The following GPC5 variants were observed in gnomAD, a reference collection of about 807,000 sequenced individuals.
The protein encoded by GPC5 is glypican 5, also known as glypican-5.
In GPC5, 47 loss-of-function variants were observed where a neutral mutation model predicts 53.9. The observed-to-expected ratio is 0.87, with a 90% CI of 0.69 to 1.11. The LOEUF (loss-of-function observed/expected upper bound fraction) is 1.11, where lower values mean the gene tolerates loss of function less well. Ranked by LOEUF, GPC5 falls within the 50% of genes most tolerant of loss-of-function variation. The pLI, the probability that GPC5 is intolerant of heterozygous loss-of-function variation, is 0.00. For synonymous variants in GPC5, 286 were observed against 263.3 expected (o/e 1.09, Z -0.84); for missense variants, 748 against 713.1 (o/e 1.05, Z -0.56).
At chr13:92,409,632 G>T (rs1875955476) in intron 7 of GPC5, among the ~76,000 whole-genome samples, 1 of 152,032 alleles carries the variant, frequency 6.6e-6, no homozygotes, top group Admixed American at 6.6e-5. Context: ...ACTATTTTCA[G>T]ACTTCACATG....
chr13:92,254,927 G>A (rs1218492437), intron 7 of GPC5, among the ~76,000 whole-genome samples: 2 of 152,060 alleles, frequency 1.3e-5, no homozygotes, highest in Non-Finnish European at 2.9e-5. Context: ...TGGGGACACA[G>A]AGCCAGACAA....
At chr13:92,219,509 C>T (rs540399701) in intron 7 of GPC5, among the ~76,000 whole-genome samples, 5 of 152,258 alleles carry the variant, frequency 3.3e-5, no homozygotes, top group Admixed American at 3.3e-4. Flanking sequence ...CTACTTTCCA[C>T]ACCCAAGTAA....
intron 7 of GPC5, among the ~76,000 whole-genome samples, chr13:92,461,561 C>T (rs777410826): frequency 6.6e-6 from 1 of 152,190 alleles, no homozygotes; most frequent in Non-Finnish European, 1.5e-5. Context: ...TCCTCAAATT[C>T]ATACATTGAC....
At chr13:92,191,457 A>T (rs1420346787) in intron 7 of GPC5, among the ~76,000 whole-genome samples, 2 of 152,196 alleles carry the variant, frequency 1.3e-5, no homozygotes, top group Non-Finnish European at 2.9e-5. Flanking sequence ...CCACTTTGAA[A>T]GAGAGTTTGT....
At chr13:92,515,142 A>T (rs1169216437) in intron 7 of GPC5, among the ~76,000 whole-genome samples, 1 of 152,216 alleles carries the variant, frequency 6.6e-6, no homozygotes, top group African/African-American at 2.4e-5. Context: ...CAGAAAAATG[A>T]GATTTTGTTT....
intron 7 of GPC5, among the ~76,000 whole-genome samples, chr13:92,286,448 C>T (rs578014562): frequency 3.2e-4 from 49 of 152,120 alleles, no homozygotes; most frequent in African/African-American, 8.9e-4. Flanking sequence ...ATGTTTATTT[C>T]GGCACTATTC....
At chr13:91,901,872 A>G (rs1183139788) in intron 5 of GPC5, among the ~76,000 whole-genome samples, 1 of 152,056 alleles carries the variant, frequency 6.6e-6, no homozygotes, top group Non-Finnish European at 1.5e-5. Context: ...CAGGTCATAC[A>G]AGAACATAAT....
chr13:91,756,256 A>G, intron 4 of GPC5, 39 bp from the exon 5 acceptor site: 1 of 1,437,226 alleles, frequency 7.0e-7, no homozygotes, highest in Non-Finnish European at 9.3e-7. Flanking sequence ...TTTATTGTGG[A>G]TGTTTGGTTT....
rs1394488620 is a variant in GPC5, at chr13:92,403,497, G to A, written c.1561+258508G>A. The stretch of plus-strand genomic sequence containing the variant: ...TTATCATGGGAACACAAACCCTATT[G>A]TGAGCTGCGCATGTGAGGGATCTAG... On this transcript the variant is annotated intron_variant, in intron 7 of 7. Coordinates refer to ENST00000377067, the MANE Select transcript of GPC5 (RefSeq NM_004466.6). Among the ~76,000 whole-genome samples, 3 of 152,160 alleles carry A rather than the reference G, an allele frequency of 2.0e-5. No individual in the cohort carries two copies. The East Asian group carries it at 5.8e-4, about 29-fold the overall frequency.
chr13:91,531,175 A>G (rs567524721), intron 2 of GPC5, among the ~76,000 whole-genome samples: 1 of 152,322 alleles, frequency 6.6e-6, no homozygotes, highest in South Asian at 2.1e-4. Flanking sequence ...TTTGATTTAG[A>G]GCTTAAATGG....
intron 7 of GPC5, among the ~76,000 whole-genome samples, chr13:92,732,964 G>A (rs964556307): frequency 6.6e-6 from 1 of 151,456 alleles, no homozygotes; most frequent in Non-Finnish European, 1.5e-5. Flanking sequence ...CCCAAGGTCC[G>A]GGAACTGATT....
chr13:92,843,255 T>A (rs1878493559), intron 7 of GPC5, among the ~76,000 whole-genome samples: 1 of 152,202 alleles, frequency 6.6e-6, no homozygotes, highest in South Asian at 2.1e-4. Context: ...TTAACCAGTG[T>A]ACTTCCTTTT....
intron 7 of GPC5, among the ~76,000 whole-genome samples, chr13:92,685,690 CT>C (rs1887252953): frequency 8.4e-6 from 1 of 119,268 alleles, no homozygotes. Flanking sequence ...TTAGGTATAT[CT>C]CCCAATGCTA....
chr13:92,509,129 G>T (rs995028686), intron 7 of GPC5, among the ~76,000 whole-genome samples: 4 of 152,170 alleles, frequency 2.6e-5, no homozygotes, highest in Admixed American at 2.6e-4. Flanking sequence ...ATAGTTTGAT[G>T]TGAAGAATTC....
intron 7 of GPC5, among the ~76,000 whole-genome samples, chr13:92,283,570 A>G (rs2042932077): frequency 6.6e-6 from 1 of 152,224 alleles, no homozygotes; most frequent in African/African-American, 2.4e-5. Context: ...ATCAGACTAG[A>G]ACTCAGGATT....
intron 6 of GPC5, among the ~76,000 whole-genome samples, chr13:92,058,565 T>C (rs1210579773): frequency 6.6e-6 from 1 of 152,174 alleles, no homozygotes; most frequent in Non-Finnish European, 1.5e-5. Context: ...GGTATTTATT[T>C]ACTTATTTAT....
intron 7 of GPC5, among the ~76,000 whole-genome samples, chr13:92,642,367 A>C (rs1292556747): frequency 1.3e-5 from 2 of 152,184 alleles, no homozygotes; most frequent in African/African-American, 4.8e-5. Context: ...TCATCTTTGG[A>C]TATAGCCTCC....
intron 4 of GPC5, among the ~76,000 whole-genome samples, chr13:91,751,383 C>T (rs985226038): frequency 6.6e-6 from 1 of 152,172 alleles, no homozygotes; most frequent in African/African-American, 2.4e-5. Context: ...TAGCAAACTA[C>T]CCCAACATAC....
At chr13:91,741,104 G>A (rs911519790) in intron 4 of GPC5, among the ~76,000 whole-genome samples, 7 of 152,112 alleles carry the variant, frequency 4.6e-5, no homozygotes, top group Non-Finnish European at 1.0e-4. Context: ...TGTCCTAGGT[G>A]CTTAGTAAAA....
Sources: gnomAD v4.1 joint callset for allele counts (sites outside exome capture counted in the v4.1 genomes callset) on GRCh38, gnomAD v4.1.1 for gene constraint, MANE v1.5 for transcripts, NCBI Gene and HGNC (gene_info 2026-07-23, HGNC 2026-07-21) for gene names.